ST14: variants seen among roughly 807,000 people sequenced by gnomAD.
ST14 encodes the protein ST14 transmembrane serine protease matriptase, also known as suppressor of tumorigenicity 14 protein.
A neutral mutation model predicts 96.5 loss-of-function variants in ST14; 40 were observed. The ratio of observed to expected loss-of-function variants is 0.41; its 90% CI spans 0.32 to 0.54. The LOEUF (loss-of-function observed/expected upper bound fraction) is 0.54. ST14 is among the 20% of genes least tolerant of loss of function. The pLI, the probability that ST14 is intolerant of heterozygous loss-of-function variation, is 0.17. For synonymous variants in ST14, 506 were observed against 492.1 expected (o/e 1.03, Z -0.37); for missense variants, 1,066 against 1,188.9 (o/e 0.90, Z 1.52).
intron 7 of ST14, among the ~76,000 whole-genome samples, chr11:130,191,860 A>G (rs1470616544): frequency 6.6e-6 from 1 of 152,182 alleles, no homozygotes; most frequent in Non-Finnish European, 1.5e-5. Flanking sequence ...AGGGCAAAGA[A>G]TAGTGGCCCT....
intron 9 of ST14, 94 bp downstream of exon 9, chr11:130,194,831 C>A: frequency 2.4e-6 from 3 of 1,259,422 alleles, no homozygotes; most frequent in Non-Finnish European, 2.3e-6. Context: ...GATGTGTGTG[C>A]ATGTGTTTGC....
chr11:130,198,702 G>A lies in ST14; in HGVS notation c.1684+81G>A, dbSNP rs536841277. ...CCCTGAGCACACGCACATGCAGGAC[G>A]CCCCGAGTTTAATGAACACAAACCA... On this transcript the variant is annotated intron_variant, in intron 14 of 18. Coordinates refer to ENST00000278742, the MANE Select transcript of ST14 (RefSeq NM_021978.4). 20 of 1,395,924 alleles carry A rather than the reference G, an allele frequency of 1.4e-5. No homozygotes were observed. In the African/African-American group the frequency reaches 2.3e-4, roughly 16 times the overall value. 86.5% of individuals were successfully genotyped at this position (1,395,924 alleles called of 1,614,324 possible).
chr11:130,177,151 T>C (rs1462836889), intron 1 of ST14, among the ~76,000 whole-genome samples: 1 of 152,042 alleles, frequency 6.6e-6, no homozygotes, highest in Non-Finnish European at 1.5e-5. Flanking sequence ...CAGGGGGTCA[T>C]ACAGGGAGTC....
chr11:130,173,501 C>T (rs1953111558), intron 1 of ST14, among the ~76,000 whole-genome samples: 1 of 151,302 alleles, frequency 6.6e-6, no homozygotes, highest in African/African-American at 2.4e-5. Flanking sequence ...GAGGCTGAGG[C>T]AGGAGAATCA....
At chr11:130,164,721 A>ATTATTATTC (rs1953027650) in intron 1 of ST14, among the ~76,000 whole-genome samples, 1 of 129,368 alleles carries the variant, frequency 7.7e-6, no homozygotes, top group Non-Finnish European at 1.5e-5. Flanking sequence ...ACCCAGCCTT[A>ATTATTATTC]TTATTATTAT....
chr11:130,206,216 G>A (rs899492571), intron 16 of ST14, among the ~76,000 whole-genome samples: 4 of 152,202 alleles, frequency 2.6e-5, no homozygotes, highest in African/African-American at 9.7e-5. Flanking sequence ...TCATGGCTGA[G>A]TTAGGAAGCA....
At chr11:130,190,241 C>T in intron 6 of ST14, 93 bp downstream of exon 6, 28 of 1,538,754 alleles carry the variant, frequency 1.8e-5, no homozygotes, top group Non-Finnish European at 2.3e-5. Flanking sequence ...AAGCATGTCC[C>T]TCTGAATGAA....
chr11:130,178,980 C>T (rs1258047459), intron 1 of ST14, among the ~76,000 whole-genome samples: 1 of 152,148 alleles, frequency 6.6e-6, no homozygotes, highest in African/African-American at 2.4e-5. Flanking sequence ...GGGAGGGTCC[C>T]CAGGGCGTGG....
intron 1 of ST14, among the ~76,000 whole-genome samples, chr11:130,185,081 C>T (rs540819730): frequency 6.6e-6 from 1 of 152,100 alleles, no homozygotes; most frequent in Non-Finnish European, 1.5e-5. Context: ...CCAAGGATCC[C>T]CCAGCATTTG....
At chr11:130,202,097 A>G (rs1461216672) in intron 16 of ST14, among the ~76,000 whole-genome samples, 5 of 152,180 alleles carry the variant, frequency 3.3e-5, no homozygotes, top group Non-Finnish European at 7.3e-5. Flanking sequence ...CATTGTCACC[A>G]TGGTGTCATG....
chr11:130,167,776 G>A (rs1233477927), intron 1 of ST14, among the ~76,000 whole-genome samples: 4 of 151,858 alleles, frequency 2.6e-5, no homozygotes, highest in African/African-American at 7.3e-5. Flanking sequence ...GTGCAGTGGC[G>A]CGATCTCGGC....
rs184372855 is a variant in ST14 at position 130,162,460 on chromosome 11, C to T, written c.81+2400C>T. Among the ~76,000 whole-genome samples, 444 of 152,244 alleles carry T rather than the reference C, an allele frequency of 2.9e-3. 2 individuals are homozygous for T. Among genetic ancestry groups the T allele is most frequent in the Non-Finnish European group, 3.3e-3 (223 of 68,024 alleles). ...TGGTTCCTTTTCCGATCACAATTGC[C>T]CTAGGTAAGACTCAGCATCCCTTAG... On this transcript the variant is annotated intron_variant, in intron 1 of 18. Coordinates refer to ENST00000278742, the MANE Select transcript of ST14 (RefSeq NM_021978.4).
chr11:130,196,491 G>C, intron 10 of ST14, 43 bp downstream of exon 10: 5 of 1,585,474 alleles, frequency 3.2e-6, no homozygotes, highest in Non-Finnish European at 4.3e-6. Context: ...CCATGCTGCA[G>C]GGGGAGGGGT....
At chr11:130,189,500 C>A in intron 4 of ST14, 1 of 583,700 alleles carries the variant, frequency 1.7e-6, no homozygotes, top group Admixed American at 3.0e-5. Flanking sequence ...CATTCCTACC[C>A]CTGAGCAGCC....
chr11:130,195,636 CG>C (rs1953352601), intron 9 of ST14, among the ~76,000 whole-genome samples: 1 of 151,798 alleles, frequency 6.6e-6, no homozygotes, highest in East Asian at 2.0e-4. Flanking sequence ...AGGTGGATCA[CG>C]AGGTCAGGAG....
In ST14 at chr11:130,188,154, T is replaced by TCAA; in HGVS notation, c.127_129dup (p.Asn43dup). On this transcript the variant is annotated inframe_insertion, in exon 2 of 19. Transcript: ENST00000278742. The surrounding 1 kb of genome is among the most constrained non-coding windows in gnomAD (Gnocchi z 5.4). ...GAGGAAGGCGTGGAGTTCCTGCCAG[T>TCAA]CAACAACGTCAAGAAGGTGGAAAAG... The TCAA allele has an allele frequency of 1.9e-6, 3 of 1,614,122 alleles. No homozygotes were observed. The highest frequency in any genetic ancestry group is 2.5e-6 in the Non-Finnish European group (3 of 1,180,036).
Position 130,196,351 on chromosome 11 carries a change from C to A in ST14, c.1126C>A (p.Gln376Lys). The A allele has an allele frequency of 6.3e-7, 1 of 1,594,806 alleles. No individual in the cohort carries two copies. Among genetic ancestry groups the A allele is most frequent in the East Asian group, 2.3e-5 (1 of 44,228 alleles). ...CTWNIEVPNN[Q>K]HVKVRFKFFY... is the part of the protein sequence containing the mutation. Reference sequence around the variant, plus strand: ...TCTCTTCCCTCAGGTGCCCAACAACCAGCATGTGAAGGTGCGCTTCAAATT... The same window carrying A: ...TCTCTTCCCTCAGGTGCCCAACAACAAGCATGTGAAGGTGCGCTTCAAATT... Residue 376 changes from glutamine (Q) to lysine (K), a missense_variant, in exon 10 of 19, where the codon CAG becomes AAG. Physicochemically the swap from Gln to Lys is moderately conservative, Grantham distance 53. Coordinates refer to ENST00000278742, the MANE Select transcript of ST14 (RefSeq NM_021978.4).
chr11:130,177,990 C>T (rs772862717), intron 1 of ST14, among the ~76,000 whole-genome samples: 1 of 152,186 alleles, frequency 6.6e-6, no homozygotes, highest in Non-Finnish European at 1.5e-5. Context: ...ACACAAGGCG[C>T]GAGCCGCATG....
At chr11:130,206,104 C>T (rs769367591) in intron 16 of ST14, among the ~76,000 whole-genome samples, 6 of 152,206 alleles carry the variant, frequency 3.9e-5, no homozygotes, top group South Asian at 2.1e-4. Context: ...AGTTTCTCTA[C>T]GCCTTTTATT....
Sources: gnomAD v4.1 joint callset for allele counts (sites outside exome capture counted in the v4.1 genomes callset) on GRCh38, gnomAD v4.1.1 for gene constraint, Gnocchi (gnomAD v3.1) non-coding constraint, MANE v1.5 for transcripts, NCBI Gene and HGNC (gene_info 2026-07-23, HGNC 2026-07-21) for gene names.